The following UTP20 variants were observed in gnomAD, a reference collection of about 807,000 sequenced individuals.
UTP20 encodes small subunit processome component 20 homolog.
Under a neutral mutation model 329.5 loss-of-function variants are expected in UTP20, and 164 were observed. That is an observed-to-expected ratio of 0.50 (90% CI 0.44 to 0.57). The LOEUF is 0.57. Among genes scored for constraint, UTP20 ranks in the 20% least tolerant of loss-of-function variants. The pLI, the probability that UTP20 is intolerant of heterozygous loss-of-function variation, is 0.00. For synonymous variants in UTP20, 1,151 were observed against 1,159.3 expected, an observed-to-expected ratio of 0.99 and a Z score of 0.14; for missense variants, 3,055 against 3,284.2, an observed-to-expected ratio of 0.93 and a Z score of 1.71.
intron 15 of UTP20, 35 bp from the exon 16 acceptor site, chr12:101,305,880 G>A: frequency 6.5e-7 from 1 of 1,535,190 alleles, no homozygotes; most frequent in Non-Finnish European, 8.8e-7. Context: ...TGGGTTATAT[G>A]GTACAGTTTG....
intron 32 of UTP20, 134 bp from the exon 33 acceptor site, chr12:101,342,312 C>T (rs931421896): frequency 3.8e-5 from 27 of 703,492 alleles, no homozygotes; most frequent in Middle Eastern, 4.3e-4. Flanking sequence ...TTTTAAAAGA[C>T]GATAAAATAA....
Position 101,312,130 on chromosome 12 carries a change from T to C in UTP20, c.2406T>C (p.His802=). The C allele has an allele frequency of 6.2e-7, 1 of 1,614,238 alleles. No homozygotes were observed. The highest frequency in any genetic ancestry group is 1.1e-5 in the South Asian group (1 of 91,080). The part of the protein sequence containing the change: ...TQEGDVGALY[H]EQLALKTDCQ... ...AAGGAGATGTTGGAGCTCTTTATCA[T>C]GAGCAGTTAGCATTGAAAACTGACT... Residue 802 remains histidine, a synonymous_variant, in exon 21 of 62, where the codon CAT becomes CAC. Transcript: ENST00000261637.
At chr12:101,315,113 A>G (rs565749264) in intron 21 of UTP20, among the ~76,000 whole-genome samples, 1 of 152,104 alleles carries the variant, frequency 6.6e-6, no homozygotes, top group South Asian at 2.1e-4. Flanking sequence ...CCAAAAAAAG[A>G]CTTAACTGTG....
At chr12:101,333,483 C>T in intron 28 of UTP20, 39 bp downstream of exon 28, 1 of 1,600,162 alleles carries the variant, frequency 6.2e-7, no homozygotes, top group Non-Finnish European at 8.5e-7. Context: ...GTACGTTCTG[C>T]TTTTTCCTTT....
intron 7 of UTP20, 128 bp from the exon 8 acceptor site, chr12:101,290,605 G>A (rs1872110885): frequency 2.9e-6 from 3 of 1,019,408 alleles, no homozygotes; most frequent in Non-Finnish European, 4.1e-6. Flanking sequence ...AACCATCAAA[G>A]TTGCCATATC....
chr12:101,349,269 C>T (rs2373444), intron 38 of UTP20, among the ~76,000 whole-genome samples: 105,883 of 151,840 alleles, frequency 0.7, 38,213 homozygotes, highest in East Asian at 0.95. Context: ...TTTAAAAATG[C>T]ATCTCTTTAC....
chr12:101,366,066 T>C (rs568190284), intron 46 of UTP20, among the ~76,000 whole-genome samples: 2 of 152,228 alleles, frequency 1.3e-5, no homozygotes, highest in East Asian at 3.9e-4. Context: ...CCCCATTCTC[T>C]ACTAAAAACA....
Position 101,354,929 on chromosome 12 carries a change from C to T in UTP20, c.5205C>T (p.Asp1735=), listed in dbSNP as rs561213775. The T allele has an allele frequency of 6.2e-7, 1 of 1,614,142 alleles. No homozygotes were observed. Among genetic ancestry groups the T allele is most frequent in the Non-Finnish European group, 8.5e-7 (1 of 1,180,014 alleles). The change falls in exon 41 of 62, where the codon GAC becomes GAT. Residue 1735 remains aspartate, a synonymous_variant. Coordinates refer to ENST00000261637, the MANE Select transcript of UTP20 (RefSeq NM_014503.3). ...EKEYTCKSLS[D]NGQPGTPDPA... is the part of the protein sequence containing the mutation. The stretch of plus-strand genomic sequence containing the variant: ...AATATACATGCAAGAGTTTGTCAGA[C>T]AACGGACAACCGGGAACCCCTGATC...
chr12:101,300,463 C>T (rs1371685652), intron 14 of UTP20, among the ~76,000 whole-genome samples: 1 of 152,088 alleles, frequency 6.6e-6, no homozygotes, highest in Non-Finnish European at 1.5e-5. Flanking sequence ...TGCCTTTGCC[C>T]ATGTGTTTCC....
chr12:101,320,309 A>G (rs942359499), intron 23 of UTP20, among the ~76,000 whole-genome samples: 8 of 152,146 alleles, frequency 5.3e-5, no homozygotes, highest in African/African-American at 1.9e-4. Flanking sequence ...TAATCCTAGC[A>G]CTTTGGGAGG....
intron 38 of UTP20, 56 bp downstream of exon 38, chr12:101,346,644 G>A (rs896073651): frequency 2.5e-5 from 38 of 1,493,496 alleles, no homozygotes; most frequent in Admixed American, 1.9e-4. Context: ...GACACACTTT[G>A]CCAGAATATA....
intron 37 of UTP20, 65 bp downstream of exon 37, chr12:101,345,759 T>G (rs1482957359): frequency 5.7e-6 from 8 of 1,414,292 alleles, no homozygotes. Flanking sequence ...CAGTTCTACC[T>G]CATTTGGAAA....
intron 48 of UTP20, among the ~76,000 whole-genome samples, chr12:101,369,198 A>G (rs1870197551): frequency 6.6e-6 from 1 of 152,206 alleles, no homozygotes; most frequent in Non-Finnish European, 1.5e-5. Context: ...AAGCTTAGTA[A>G]GAGTAGATTA....
Position 101,327,137 on chromosome 12 carries a change from C to G in UTP20, c.3098C>G (p.Ala1033Gly). ...GGGAGTAAAACTCAGGGGAAATCTG[C>G]TTCAGGCACCCGCATGGCCATTGTC... ...KTGSKTQGKS[A>G]SGTRMAIVLR... is the part of the protein sequence containing the mutation. The change falls in exon 26 of 62, where the codon GCT becomes GGT. Residue 1033 changes from alanine (A) to glycine (G), a missense_variant. Ala to Gly is a moderately conservative substitution (Grantham distance 60, BLOSUM62 0). Around this residue, in one of 3 missense-constraint regions of UTP20, gnomAD observed 2,445 missense variants for 2,575.5 expected, o/e 0.95. Transcript: ENST00000261637. 1 of 1,613,196 alleles carries G rather than the reference C, an allele frequency of 6.2e-7. No homozygotes were observed. Among genetic ancestry groups the G allele is most frequent in the South Asian group, 1.1e-5 (1 of 91,046 alleles).
chr12:101,303,306 A>G (rs1376863266), intron 15 of UTP20, among the ~76,000 whole-genome samples: 1 of 152,230 alleles, frequency 6.6e-6, no homozygotes, highest in African/African-American at 2.4e-5. Flanking sequence ...ACTAAACAGA[A>G]TAAAAAGTAA....
chr12:101,300,549 A>G (rs898994636), intron 14 of UTP20, among the ~76,000 whole-genome samples: 1 of 152,112 alleles, frequency 6.6e-6, no homozygotes, highest in African/African-American at 2.4e-5. Context: ...CTCAGGCACA[A>G]CACCTCTAGG....
chr12:101,327,958 CTT>C (rs1565794946), intron 26 of UTP20, among the ~76,000 whole-genome samples: 1 of 152,132 alleles, frequency 6.6e-6, no homozygotes, highest in East Asian at 1.9e-4. Context: ...CATGGGGAAA[CTT>C]AGGCTTAGAA....
rs546311672 is a variant in UTP20, at chr12:101,327,333, C to T, written c.3208+86C>T. The T allele has an allele frequency of 1.6e-5, 21 of 1,327,664 alleles. 1 individual carries two copies. Among genetic ancestry groups the T allele is most frequent in the Middle Eastern group, 2.1e-4 (1 of 4,842 alleles). 82.2% of individuals were successfully genotyped at this position (1,327,664 alleles called of 1,614,324 possible). ...AGGCTACATTTCCCATGCTCCTGGGCGTCTTTCTAACAGGGTTGTTCCTCC... is the reference window on the plus strand; with the variant it reads ...AGGCTACATTTCCCATGCTCCTGGGTGTCTTTCTAACAGGGTTGTTCCTCC... On this transcript the variant is annotated intron_variant, in intron 26 of 61. Transcript: ENST00000261637.
chr12:101,325,119 A>G (rs1868510886), intron 25 of UTP20, among the ~76,000 whole-genome samples: 1 of 152,214 alleles, frequency 6.6e-6, no homozygotes, highest in Non-Finnish European at 1.5e-5. Flanking sequence ...ACCTTTTGAC[A>G]TCTCATTTTA....
Sources: allele counts gnomAD v4.1 joint callset (sites outside exome capture counted in the v4.1 genomes callset), GRCh38; gene constraint gnomAD v4.1.1; regional missense constraint gnomAD v4.1.1; transcripts MANE v1.5; gene names NCBI Gene and HGNC (gene_info 2026-07-23, HGNC 2026-07-21).